SLC9B1: variants seen among roughly 807,000 people sequenced by gnomAD.
The protein encoded by SLC9B1 is sodium/hydrogen exchanger 9B1.
SLC9B1 carries 32 observed loss-of-function variants against 51.7 expected under a neutral mutation model. That is an observed-to-expected ratio of 0.62 (90% CI 0.47 to 0.83). SLC9B1 has a LOEUF of 0.83. Ranked by LOEUF, SLC9B1 falls within the 40% of genes least tolerant of loss-of-function variation. The probability of loss-of-function intolerance (pLI) is 0.00; values close to 1 mark genes in which losing one functional copy is unlikely to be tolerated. For missense variants in SLC9B1, 406 were observed against 613.2 expected (o/e 0.66, Z 3.57); for synonymous variants, 145 against 212.7 (o/e 0.68, Z 2.77).
At chr4:102,962,860 T>C in intron 3 of SLC9B1, 2 of 472,124 alleles carry the variant, frequency 4.2e-6, no homozygotes, top group South Asian at 3.1e-5. Context: ...CAGGTATCAA[T>C]GTGATCAACC....
intron 7 of SLC9B1, among the ~76,000 whole-genome samples, chr4:102,919,105 C>T (rs1735731660): frequency 1.3e-5 from 2 of 152,152 alleles, no homozygotes; most frequent in African/African-American, 2.4e-5. Context: ...GGCCTCCAAC[C>T]CTGTGACGGG....
At chr4:102,998,436 C>T (rs1451840113) in intron 1 of SLC9B1, among the ~76,000 whole-genome samples, 1 of 152,086 alleles carries the variant, frequency 6.6e-6, no homozygotes, top group African/African-American at 2.4e-5. Context: ...ATCCATTCAT[C>T]TACTGATAGA....
At chr4:102,954,400 C>T (rs1737672966) in intron 3 of SLC9B1, among the ~76,000 whole-genome samples, 1 of 88,706 alleles carries the variant, frequency 1.1e-5, no homozygotes, top group Non-Finnish European at 2.1e-5. Context: ...ATTTTTGCAT[C>T]AATGTTCATC....
At chr4:102,914,004 C>T (rs921134457) in intron 7 of SLC9B1, among the ~76,000 whole-genome samples, 8 of 151,900 alleles carry the variant, frequency 5.3e-5, no homozygotes, top group East Asian at 3.9e-4. Flanking sequence ...GCCAGCTGTG[C>T]GGGAGACCAG....
intron 6 of SLC9B1, among the ~76,000 whole-genome samples, chr4:102,937,661 T>C (rs1578362480): frequency 7.3e-6 from 1 of 136,196 alleles, no homozygotes; most frequent in Admixed American, 8.0e-5. Flanking sequence ...GAGGTGGAGG[T>C]TGCAGTGAGC....
intron 3 of SLC9B1, among the ~76,000 whole-genome samples, chr4:102,967,025 A>G (rs1260974631): frequency 1.3e-5 from 2 of 152,112 alleles, no homozygotes; most frequent in South Asian, 4.1e-4. Context: ...AACACAGCCA[A>G]ATTTTTGCTA....
intron 9 of SLC9B1, among the ~76,000 whole-genome samples, chr4:102,910,112 G>A (rs1435889338): frequency 1.3e-5 from 2 of 152,004 alleles, no homozygotes; most frequent in Admixed American, 6.6e-5. Flanking sequence ...ACCGTCCCCG[G>A]CCTTTTACAA....
At chr4:102,960,774 C>A (rs1738068016) in intron 3 of SLC9B1, among the ~76,000 whole-genome samples, 1 of 150,440 alleles carries the variant, frequency 6.6e-6, no homozygotes, top group Non-Finnish European at 1.5e-5. Context: ...CTCTTGTTGC[C>A]CAGGCTGGAG....
chr4:102,900,525 C>T (rs1734736776), downstream of SLC9B1, among the ~76,000 whole-genome samples: 3 of 151,984 alleles, frequency 2.0e-5, no homozygotes, highest in Admixed American at 2.0e-4. Context: ...ACTGCTAAAC[C>T]AGACTTTCAT....
chr4:102,910,898 A>G (rs1361715875), intron 8 of SLC9B1, among the ~76,000 whole-genome samples: 3 of 152,292 alleles, frequency 2.0e-5, no homozygotes, highest in East Asian at 1.9e-4. Context: ...AACATATCCA[A>G]TGAATTCTTA....
In SLC9B1 at chr4:102,887,224, A is replaced by G. The variant is rs112498106; in HGVS notation, c.1333-1896T>C. The G allele has an allele frequency of 6.6e-3, 4,395 of 670,410 alleles. 114 individuals are homozygous for G. Among genetic ancestry groups the G allele is most frequent in the African/African-American group, 0.061 (3,392 of 55,496 alleles). 41.5% of individuals were successfully genotyped at this position (670,410 alleles called of 1,614,324 possible). A position where few individuals can be genotyped will look rare whatever the true frequency, so the allele number is the denominator to read the frequency against. ...GTAGAATGTAACTATTACTCAGGAA[A>G]ACGATCTGATTTTTTTTAGCAAGTG... On this transcript the variant is annotated intron_variant, in intron 11 of 11. Transcript: ENST00000394789.
chr4:102,990,530 T>C (rs2110518393), intron 2 of SLC9B1, among the ~76,000 whole-genome samples: 1 of 152,104 alleles, frequency 6.6e-6, no homozygotes, highest in East Asian at 1.9e-4. Flanking sequence ...GAATCTTTGG[T>C]TTGTGAGAAT....
In SLC9B1 at chr4:102,946,645, A is replaced by G; in HGVS notation, c.525+2T>C. 1.2e-6 allele frequency: 2 copies of G among 1,602,146 alleles called. No individual in the cohort carries two copies. Among genetic ancestry groups the G allele is most frequent in the Non-Finnish European group, 1.7e-6 (2 of 1,177,146 alleles). Reference sequence around the variant, plus strand: ...TTACTCGATTTGTAATTGTAAATCTACCTGTGGATCGAGTCCAAGCCCAGC... The same window carrying G: ...TTACTCGATTTGTAATTGTAAATCTGCCTGTGGATCGAGTCCAAGCCCAGC... On this transcript the variant is annotated splice_donor_variant, in intron 5 of 11. Transcript: ENST00000296422. LOFTEE classifies it high-confidence loss of function.
chr4:102,909,914 C>T (rs1243442011), intron 9 of SLC9B1, among the ~76,000 whole-genome samples: 2 of 152,038 alleles, frequency 1.3e-5, no homozygotes, highest in African/African-American at 4.8e-5. Flanking sequence ...TCAAGTGATG[C>T]TCCTGCCTCA....
intron 11 of SLC9B1, 57 bp downstream of exon 11, chr4:102,905,457 T>A: frequency 6.6e-7 from 1 of 1,516,820 alleles, no homozygotes; most frequent in Non-Finnish European, 9.0e-7. Context: ...TTTTTCATTT[T>A]AAATTTTAAA....
chr4:102,939,723 AT>A (rs1240181555), intron 6 of SLC9B1, among the ~76,000 whole-genome samples: 2 of 152,268 alleles, frequency 1.3e-5, no homozygotes, highest in Non-Finnish European at 2.9e-5. Context: ...AGTAAGCTTT[AT>A]CCCTGGGATG....
chr4:102,980,982 C>T (rs1457570698), intron 3 of SLC9B1, among the ~76,000 whole-genome samples: 1 of 152,066 alleles, frequency 6.6e-6, no homozygotes, highest in Non-Finnish European at 1.5e-5. Flanking sequence ...CCTAAAAATC[C>T]TCTGGGCTCT....
intron 11 of SLC9B1, among the ~76,000 whole-genome samples, chr4:102,894,662 A>G (rs1309339077): frequency 6.6e-6 from 1 of 152,226 alleles, no homozygotes; most frequent in Non-Finnish European, 1.5e-5. Context: ...GCTACTGAAT[A>G]AGAAACACAT....
intron 2 of SLC9B1, 150 bp downstream of exon 2, chr4:102,991,493 G>A (rs923480449): frequency 2.1e-5 from 10 of 487,072 alleles, no homozygotes; most frequent in Non-Finnish European, 3.2e-5. Flanking sequence ...CATTTCCTAG[G>A]ACCCATTACA....
Sources: allele counts gnomAD v4.1 joint callset (sites outside exome capture counted in the v4.1 genomes callset), GRCh38; gene constraint gnomAD v4.1.1; transcripts MANE v1.5; gene names NCBI Gene and HGNC (gene_info 2026-07-23, HGNC 2026-07-21).